ZNF536: variants seen among roughly 807,000 people sequenced by gnomAD.
ZNF536 encodes zinc finger protein 536.
Under a neutral mutation model 84.5 loss-of-function variants are expected in ZNF536, and 13 were observed. The ratio of observed to expected loss-of-function variants is 0.15; its 90% CI spans 0.10 to 0.24. The LOEUF is 0.24. Among genes scored for constraint, ZNF536 ranks in the 10% least tolerant of loss-of-function variants. The pLI is 1.00. For synonymous variants in ZNF536, 811 were observed against 742.5 expected (o/e 1.09, Z -1.50); for missense variants, 1,536 against 1,747.5 (o/e 0.88, Z 2.16).
At chr19:30,457,143 A>AGACACATGG (rs1169792848) in intron 2 of ZNF536, among the ~76,000 whole-genome samples, 4 of 152,142 alleles carry the variant, frequency 2.6e-5, no homozygotes, top group African/African-American at 9.7e-5. Flanking sequence ...AGAGTGAGAC[A>AGACACATGG]GACACATGGG....
intron 1 of ZNF536, among the ~76,000 whole-genome samples, chr19:30,237,459 A>G (rs938216078): frequency 2.6e-5 from 4 of 152,188 alleles, no homozygotes; most frequent in Non-Finnish European, 4.4e-5. Context: ...CAAAATCATA[A>G]TATGATAATT....
chr19:30,444,265 C>A lies in ZNF536; in HGVS notation c.703C>A (p.Leu235Met). The A allele has an allele frequency of 1.3e-6, 2 of 1,554,658 alleles. No homozygotes were observed. Among genetic ancestry groups the A allele is most frequent in the Non-Finnish European group, 1.7e-6 (2 of 1,157,438 alleles). Residue 235 changes from leucine (L) to methionine (M), a missense_variant, in exon 2 of 5, where the codon CTG becomes ATG. By Grantham distance (15) the Leu-to-Met change is conservative. Transcript: ENST00000355537. ...KPPPHAQQAPLAACTLALQAN... is the reference protein window; with the variant it reads ...KPPPHAQQAPMAACTLALQAN... The stretch of plus-strand genomic sequence containing the variant: ...CCCGCCGCACGCCCAGCAGGCCCCG[C>A]TGGCCGCCTGCACCCTGGCCCTGCA...
intron 1 of ZNF536, among the ~76,000 whole-genome samples, chr19:30,648,340 G>A (rs994457307): frequency 3.3e-5 from 5 of 152,096 alleles, no homozygotes; most frequent in African/African-American, 1.2e-4. Context: ...CCAGATCTGC[G>A]TGCTGAGACA....
At chr19:30,233,520 T>G (rs1310375056) in intron 1 of ZNF536, among the ~76,000 whole-genome samples, 39 of 151,566 alleles carry the variant, frequency 2.6e-4, no homozygotes, top group Admixed American at 2.5e-3. Flanking sequence ...TTTTAACATT[T>G]TTTTTTTTTT....
At chr19:30,451,212 T>C (rs1256722300) in intron 2 of ZNF536, among the ~76,000 whole-genome samples, 1 of 152,252 alleles carries the variant, frequency 6.6e-6, no homozygotes, top group African/African-American at 2.4e-5. Context: ...GGCGGCCACC[T>C]TTCCGCTGGG....
intron 1 of ZNF536, among the ~76,000 whole-genome samples, chr19:30,566,221 G>T (rs975891832): frequency 1.3e-5 from 2 of 152,088 alleles, no homozygotes; most frequent in Non-Finnish European, 2.9e-5. Flanking sequence ...TTACCACCGG[G>T]ACGTTTTGTT....
At chr19:30,440,883 ATAGATAG>A (rs2052006372) in intron 1 of ZNF536, among the ~76,000 whole-genome samples, 1 of 1,094 alleles carries the variant, frequency 9.1e-4, no homozygotes, top group Non-Finnish European at 3.0e-3. Flanking sequence ...TCTGGCCAGG[ATAGATAG>A]ATAGATAGAT....
At chr19:30,363,315 G>C (rs1479154992) in intron 3 of ZNF536, among the ~76,000 whole-genome samples, 1 of 152,176 alleles carries the variant, frequency 6.6e-6, no homozygotes, top group Non-Finnish European at 1.5e-5. Flanking sequence ...ACCCTCGGTG[G>C]CACTGCTGTT....
rs544959426 is a variant in ZNF536 at position 30,318,250 on chromosome 19, G to A, written c.-120+34109G>A. On this transcript the variant is annotated intron_variant, in intron 2 of 5. Transcript: ENST00000585628. ...AGAACTGTGCTGTGCCCAGAACTGT[G>A]TATGACAGCCTTCAAGGAGCTTACA... Among the ~76,000 whole-genome samples, 16 of 152,324 alleles carry A rather than the reference G, an allele frequency of 1.1e-4. No individual in the cohort carries two copies. In the South Asian group the frequency reaches 2.9e-3, roughly 28 times the overall value.
intron 2 of ZNF536, among the ~76,000 whole-genome samples, chr19:30,460,030 A>C (rs1600830000): frequency 6.6e-6 from 1 of 152,140 alleles, no homozygotes; most frequent in Non-Finnish European, 1.5e-5. Flanking sequence ...CCATGGACTT[A>C]CCTCATAGTA....
At chr19:30,317,545 G>A (rs953045044) in intron 2 of ZNF536, among the ~76,000 whole-genome samples, 1 of 152,182 alleles carries the variant, frequency 6.6e-6, no homozygotes, top group Non-Finnish European at 1.5e-5. Context: ...CCTTCCAGGG[G>A]TCTGTGCTCC....
At chr19:30,320,580 G>T (rs1055999334) in intron 2 of ZNF536, among the ~76,000 whole-genome samples, 1 of 152,138 alleles carries the variant, frequency 6.6e-6, no homozygotes, top group African/African-American at 2.4e-5. Context: ...GGGGCAAGGG[G>T]TTCTCTGGGC....
chr19:30,595,935 G>A (rs1423091181), intron 1 of ZNF536, among the ~76,000 whole-genome samples: 2 of 152,156 alleles, frequency 1.3e-5, no homozygotes, highest in Admixed American at 6.5e-5. Flanking sequence ...GGTGCAGTGG[G>A]GAGCAGGGTG....
intron 2 of ZNF536, among the ~76,000 whole-genome samples, chr19:30,467,343 C>T (rs781171555): frequency 6.6e-6 from 1 of 152,214 alleles, no homozygotes; most frequent in Non-Finnish European, 1.5e-5. Context: ...ACTCTAAGTA[C>T]CACATATAAG....
chr19:30,593,091 A>G (rs2047330220), intron 1 of ZNF536, among the ~76,000 whole-genome samples: 1 of 152,210 alleles, frequency 6.6e-6, no homozygotes, highest in Non-Finnish European at 1.5e-5. Context: ...GTGGCAGATC[A>G]GAGAGGAGAG....
intron 2 of ZNF536, among the ~76,000 whole-genome samples, chr19:30,352,187 T>G (rs2047952927): frequency 6.6e-6 from 1 of 152,232 alleles, no homozygotes; most frequent in Non-Finnish European, 1.5e-5. Context: ...TTTAGCTTCT[T>G]GTCTACAGCA....
chr19:30,288,899 T>C (rs1456332558), intron 2 of ZNF536, among the ~76,000 whole-genome samples: 1 of 152,190 alleles, frequency 6.6e-6, no homozygotes, highest in Non-Finnish European at 1.5e-5. Flanking sequence ...CATTTTCAGA[T>C]AATTAGGCTT....
intron 1 of ZNF536, among the ~76,000 whole-genome samples, chr19:30,651,226 G>A (rs927877460): frequency 6.6e-6 from 1 of 152,212 alleles, no homozygotes; most frequent in African/African-American, 2.4e-5. Flanking sequence ...GGCTGCTTTG[G>A]ACAAAGGCGA....
chr19:30,457,757 G>A (rs1370816262), intron 2 of ZNF536, among the ~76,000 whole-genome samples: 1 of 152,196 alleles, frequency 6.6e-6, no homozygotes, highest in East Asian at 1.9e-4. Flanking sequence ...AACCTGTGAG[G>A]CCCCACACTG....
Sources: allele counts gnomAD v4.1 joint callset (sites outside exome capture counted in the v4.1 genomes callset), GRCh38; gene constraint gnomAD v4.1.1; transcripts MANE v1.5; gene names NCBI Gene and HGNC (gene_info 2026-07-23, HGNC 2026-07-21).